Variants in SPATA31D1 observed in about 807,000 individuals in gnomAD.
SPATA31D1 encodes spermatogenesis-associated protein 31D1.
In SPATA31D1, 6 loss-of-function variants were observed where a neutral mutation model predicts 13.2. The observed-to-expected ratio is 0.46, with a 90% CI of 0.25 to 0.90. The LOEUF is 0.90. Among genes scored for constraint, SPATA31D1 ranks in the 40% least tolerant of loss-of-function variants. The pLI, the probability that SPATA31D1 is intolerant of heterozygous loss-of-function variation, is 0.18. For missense variants in SPATA31D1, 2,445 were observed against 1,884.7 expected, an observed-to-expected ratio of 1.30 and a Z score of -5.50; for synonymous variants, 903 against 718.8, an observed-to-expected ratio of 1.26 and a Z score of -4.10.
Position 81,993,228 on chromosome 9 carries a change from C to T in SPATA31D1, c.2758C>T (p.Leu920Phe), listed in dbSNP as rs559201776. Reference sequence around the variant, plus strand: ...TATGAGGATGCTGTGGGGCCTTCCCCTCAAGGTCCTTGAATCCATAGAAAT... The same window carrying T: ...TATGAGGATGCTGTGGGGCCTTCCCTTCAAGGTCCTTGAATCCATAGAAAT... ...FRMRMLWGLP[L>F]KVLESIEIFK... Residue 920 changes from leucine (L) to phenylalanine (F), a missense_variant, in exon 4 of 4, where the codon CTC becomes TTC. Physicochemically the swap from Leu to Phe is conservative, Grantham distance 22. Coordinates refer to ENST00000344803, the MANE Select transcript of SPATA31D1 (RefSeq NM_001001670.3). 1.7e-5 allele frequency: 27 copies of T among 1,613,974 alleles called. No individual in the cohort carries two copies. Among genetic ancestry groups the T allele is most frequent in the East Asian group, 1.1e-4 (5 of 44,858 alleles).
At position 81,990,324 on chromosome 9, in the gene SPATA31D1, C is replaced by T. The variant is rs1824925226; in HGVS notation, c.233-93C>T. On this transcript the variant is annotated intron_variant, in intron 2 of 3. Coordinates refer to ENST00000344803, the MANE Select transcript of SPATA31D1 (RefSeq NM_001001670.3). The stretch of plus-strand genomic sequence containing the variant: ...TTCCCTTTTCTACTGATTCTTGGGG[C>T]TCTCAGAGTTTAATATCCCAAGGGT... The T allele has an allele frequency of 3.5e-6, 3 of 846,622 alleles. No individual in the cohort carries two copies. The South Asian group carries it at 6.1e-5, about 17-fold the overall frequency. 52.4% of individuals were successfully genotyped at this position (846,622 alleles called of 1,614,324 possible).
At chr9:81,990,342 C>T in intron 2 of SPATA31D1, 75 bp from the exon 3 acceptor site, 1 of 1,124,238 alleles carries the variant, frequency 8.9e-7, no homozygotes, top group Non-Finnish European at 1.3e-6. Context: ...GTTTAATATC[C>T]CAAGGGTCTT....
chr9:81,994,313 G>A lies in SPATA31D1; in HGVS notation c.3843G>A (p.Lys1281=), dbSNP rs1825048656. Residue 1281 remains lysine (K), a synonymous_variant, in exon 4 of 4, where the codon AAG becomes AAA. Transcript: ENST00000344803. The part of the protein sequence containing the change: ...EPRVPTCVLQ[K]CQVTNFPPAV... ...GGGTCCCTACCTGTGTCTTACAGAA[G>A]TGTCAAGTTACGAATTTCCCACCAG... The A allele has an allele frequency of 6.2e-7, 1 of 1,613,834 alleles. No homozygotes were observed. The highest frequency in any genetic ancestry group is 1.3e-5 in the African/African-American group (1 of 74,928).
rs754354234 is a variant in SPATA31D1, at chr9:81,992,147, A to G, written c.1677A>G (p.Gln559=). 1.1e-5 allele frequency: 18 copies of G among 1,613,586 alleles called. No homozygotes were observed. Among genetic ancestry groups the G allele is most frequent in the Non-Finnish European group, 1.4e-5 (17 of 1,179,680 alleles). ...AACCTCTGTCCTTGCCTAGTACCCA[A>G]CCACTACCCTTGCCTCAAACCCTGC... ...PPQPLSLPST[Q]PLPLPQTLPQ... is the part of the protein sequence containing the mutation. Residue 559 remains glutamine (Q), a synonymous_variant, in exon 4 of 4, where the codon CAA becomes CAG. Transcript: ENST00000344803.
Position 81,991,217 on chromosome 9 carries a change from A to G in SPATA31D1, c.747A>G (p.Pro249=). The change falls in exon 4 of 4, where the codon CCA becomes CCG. Residue 249 remains proline (P), a synonymous_variant. Coordinates refer to ENST00000344803, the MANE Select transcript of SPATA31D1 (RefSeq NM_001001670.3). Reference sequence around the variant, plus strand: ...AACAGCTTCCCTTTCCCCTTCTCCCACCACATCACATTGAGAGAGTGGAGT... The same window carrying G: ...AACAGCTTCCCTTTCCCCTTCTCCCGCCACATCACATTGAGAGAGTGGAGT... ...PPQQLPFPLL[P]PHHIERVESS... The G allele has an allele frequency of 6.2e-7, 1 of 1,613,684 alleles. No homozygotes were observed. The highest frequency in any genetic ancestry group is 8.5e-7 in the Non-Finnish European group (1 of 1,179,828).
chr9:81,995,080 T>C lies in SPATA31D1; in HGVS notation c.4610T>C (p.Leu1537Pro). ...PNPTCRRQVS[L>P]VCPAVPTSAK... ...CCCACTTGCCGGCGTCAGGTCAGCC[T>C]GGTGTGTCCAGCCGTCCCAACCAGT... Residue 1537 changes from leucine (L) to proline (P), a missense_variant, in exon 4 of 4, where the codon CTG (leucine) becomes CCG (proline). Physicochemically the swap from Leu to Pro is moderately conservative, Grantham distance 98. Coordinates refer to ENST00000344803, the MANE Select transcript of SPATA31D1 (RefSeq NM_001001670.3). 6.2e-7 allele frequency: 1 copy of C among 1,612,814 alleles called. No individual in the cohort carries two copies. Among genetic ancestry groups the C allele is most frequent in the Non-Finnish European group, 8.5e-7 (1 of 1,179,312 alleles).
Position 81,992,677 on chromosome 9 carries a change from T to C in SPATA31D1, c.2207T>C (p.Leu736Ser). 1 of 1,613,798 alleles carries C rather than the reference T, an allele frequency of 6.2e-7. No individual in the cohort carries two copies. The highest frequency in any genetic ancestry group is 8.5e-7 in the Non-Finnish European group (1 of 1,179,730). ...ERIHGPLNIS[L>S]VEGQRCNVLK... ...ATTCATGGACCGTTAAATATCTCTT[T>C]GGTTGAGGGTCAGAGGTGCAATGTT... Residue 736 changes from leucine to serine, a missense_variant, in exon 4 of 4, where the codon TTG (leucine) becomes TCG (serine). Transcript: ENST00000344803.
Position 81,992,964 on chromosome 9 carries a change from G to A in SPATA31D1, c.2494G>A (p.Val832Ile). Residue 832 changes from valine to isoleucine, a missense_variant, in exon 4 of 4, where the codon GTA becomes ATA. By Grantham distance (29) the Val-to-Ile change is conservative. Coordinates refer to ENST00000344803, the MANE Select transcript of SPATA31D1 (RefSeq NM_001001670.3). ...GQKQLENALTVRLSKKFEEIN... is the reference protein window; with the variant it reads ...GQKQLENALTIRLSKKFEEIN... ...GAAACAACTTGAAAATGCCCTGACA[G>A]TACGTTTGAGCAAGAAATTTGAGGA... 2 of 1,613,802 alleles carry A rather than the reference G, an allele frequency of 1.2e-6. No individual in the cohort carries two copies. Among genetic ancestry groups the A allele is most frequent in the Non-Finnish European group, 1.7e-6 (2 of 1,179,738 alleles).
At chr9:81,988,677 G>T (rs574953658), upstream of SPATA31D1, 3 of 1,377,136 alleles carry the variant, frequency 2.2e-6, no homozygotes, top group East Asian at 7.5e-5. Context: ...TGGGGCTGTG[G>T]ACACACCCTC....
rs376145655 is a variant in SPATA31D1 at position 81,994,264 on chromosome 9, G to C, written c.3794G>C (p.Arg1265Pro). ...VHVHLEDSGIRVAQKQEPRVP... is the reference protein window; with the variant it reads ...VHVHLEDSGIPVAQKQEPRVP... ...GTCCACTTGGAGGACAGCGGAATCC[G>C]TGTGGCACAGAAGCAGGAGCCCAGG... The change falls in exon 4 of 4, where the codon CGT becomes CCT. Residue 1265 changes from arginine to proline, a missense_variant. Coordinates refer to ENST00000344803, the MANE Select transcript of SPATA31D1 (RefSeq NM_001001670.3). 2 of 1,613,880 alleles carry C rather than the reference G, an allele frequency of 1.2e-6. No homozygotes were observed. Among genetic ancestry groups the C allele is most frequent in the Admixed American group, 1.7e-5 (1 of 60,004 alleles).
At chr9:81,990,348 G>T (rs967339420) in intron 2 of SPATA31D1, 69 bp from the exon 3 acceptor site, 6 of 1,176,718 alleles carry the variant, frequency 5.1e-6, no homozygotes, top group Non-Finnish European at 7.2e-6. Flanking sequence ...TATCCCAAGG[G>T]TCTTCCACAG....
At chr9:81,987,938 C>T (rs780256201), upstream of SPATA31D1, among the ~76,000 whole-genome samples, 4 of 152,200 alleles carry the variant, frequency 2.6e-5, no homozygotes, top group Non-Finnish European at 4.4e-5. Flanking sequence ...ATTTCTGCCA[C>T]GTTTCAACCA....
In SPATA31D1 at chr9:81,994,297, C is replaced by A; in HGVS notation, c.3827C>A (p.Thr1276Asn). The A allele has an allele frequency of 6.2e-7, 1 of 1,613,978 alleles. No homozygotes were observed. Among genetic ancestry groups the A allele is most frequent in the East Asian group, 2.2e-5 (1 of 44,874 alleles). The change falls in exon 4 of 4, where the codon ACC becomes AAC. Residue 1276 changes from threonine (T) to asparagine (N), a missense_variant. By Grantham distance (65) the Thr-to-Asn change is moderately conservative. Transcript: ENST00000344803. ...VAQKQEPRVP[T>N]CVLQKCQVTN... ...CAGAAGCAGGAGCCCAGGGTCCCTA[C>A]CTGTGTCTTACAGAAGTGTCAAGTT...
rs1434750728 is a variant in SPATA31D1 at position 81,991,602 on chromosome 9, G to T, written c.1132G>T (p.Glu378Ter). 1.2e-6 allele frequency: 2 copies of T among 1,613,962 alleles called. No individual in the cohort carries two copies. Among genetic ancestry groups the T allele is most frequent in the Non-Finnish European group, 8.5e-7 (1 of 1,179,894 alleles). ...SSNFVPSDFM[E>*]ELLTLHSSEA... ...TAATTTTGTGCCATCTGATTTCATG[G>T]AGGAGCTTCTTACCCTTCATTCTTC... The change falls in exon 4 of 4, where the codon GAG (glutamate) becomes TAG (stop). Residue 378 changes from glutamate to a stop codon, truncating the protein, a stop_gained. Transcript: ENST00000344803. LOFTEE classifies it low-confidence loss of function (END_TRUNC).
Position 81,993,662 on chromosome 9 carries a change from G to A in SPATA31D1, c.3192G>A (p.Leu1064=), listed in dbSNP as rs142745921. 6.2e-7 allele frequency: 1 copy of A among 1,614,028 alleles called. No individual in the cohort carries two copies. The highest frequency in any genetic ancestry group is 1.3e-5 in the African/African-American group (1 of 75,054). Reference sequence around the variant, plus strand: ...TCAACCAAGAAAAGCAGGGGACCCTGAGAAGAGAATTCTCTGATACTGACA... The same window carrying A: ...TCAACCAAGAAAAGCAGGGGACCCTAAGAAGAGAATTCTCTGATACTGACA... ...SPVNQEKQGT[L]RREFSDTDND... Residue 1064 remains leucine, a synonymous_variant, in exon 4 of 4, where the codon CTG becomes CTA. Coordinates refer to ENST00000344803, the MANE Select transcript of SPATA31D1 (RefSeq NM_001001670.3).
In SPATA31D1 at chr9:81,994,115, T is replaced by C; in HGVS notation, c.3645T>C (p.His1215=). 1.9e-6 allele frequency: 3 copies of C among 1,613,938 alleles called. No homozygotes were observed. The highest frequency in any genetic ancestry group is 1.7e-4 in the Middle Eastern group (1 of 6,060). The change falls in exon 4 of 4, where the codon CAT becomes CAC. Residue 1215 remains histidine, a synonymous_variant. Transcript: ENST00000344803. ...LSQLKLVQRK[H]SQPQSHFTDM... The stretch of plus-strand genomic sequence containing the variant: ...AGTTAAAGTTGGTCCAGAGGAAGCA[T>C]AGCCAACCTCAGAGCCATTTCACTG...
chr9:81,987,949 A>G (rs1200363797), upstream of SPATA31D1, among the ~76,000 whole-genome samples: 1 of 152,078 alleles, frequency 6.6e-6, no homozygotes, highest in Admixed American at 6.6e-5. Context: ...GTTTCAACCA[A>G]CTCCCCACAA....
chr9:81,989,673 A>G lies in SPATA31D1; in HGVS notation c.187-105A>G. The G allele has an allele frequency of 5.7e-6, 7 of 1,233,402 alleles. No homozygotes were observed. The South Asian group carries it at 9.3e-5, about 16-fold the overall frequency. 76.4% of individuals were successfully genotyped at this position (1,233,402 alleles called of 1,614,324 possible). ...ACATATTTCTATTAATTAAAGAGTA[A>G]TATTCTTGTATAATGAATGAATGAA... On this transcript the variant is annotated intron_variant, in intron 1 of 3. Transcript: ENST00000344803.
chr9:81,993,387 A>C lies in SPATA31D1; in HGVS notation c.2917A>C (p.Lys973Gln), dbSNP rs1362887364. The change falls in exon 4 of 4, where the codon AAG becomes CAG. Residue 973 changes from lysine to glutamine, a missense_variant. Coordinates refer to ENST00000344803, the MANE Select transcript of SPATA31D1 (RefSeq NM_001001670.3). ...TAGTCGAAGCACTTTTCAAGGAGAA[A>C]AGTTGGGAACAACAAGCTCAGTCCC... ...SRSRSTFQGE[K>Q]LGTTSSVPIL... 1 of 1,613,966 alleles carries C rather than the reference A, an allele frequency of 6.2e-7. No individual in the cohort carries two copies. The highest frequency in any genetic ancestry group is 1.3e-5 in the African/African-American group (1 of 75,040).
Sources: allele counts gnomAD v4.1 joint callset (sites outside exome capture counted in the v4.1 genomes callset), GRCh38; gene constraint gnomAD v4.1.1; transcripts MANE v1.5; gene names NCBI Gene and HGNC (gene_info 2026-07-23, HGNC 2026-07-21).